Variants in TNFRSF11A observed in about 807,000 individuals in gnomAD.
TNFRSF11A encodes tumor necrosis factor receptor superfamily member 11A.
Under a neutral mutation model 55.7 loss-of-function variants are expected in TNFRSF11A, and 32 were observed. The ratio of observed to expected loss-of-function variants is 0.57; its 90% CI spans 0.43 to 0.77. The LOEUF (loss-of-function observed/expected upper bound fraction) is 0.77, where lower values mean the gene tolerates loss of function less well. TNFRSF11A is among the 30% of genes least tolerant of loss of function. The pLI is 0.00. For synonymous variants in TNFRSF11A, 311 were observed against 331.0 expected (o/e 0.94, Z 0.65); for missense variants, 753 against 809.8 (o/e 0.93, Z 0.85).
intron 8 of TNFRSF11A, 83 bp from the exon 9 acceptor site, chr18:62,368,618 C>A: frequency 1.4e-6 from 2 of 1,408,984 alleles, no homozygotes; most frequent in Non-Finnish European, 2.0e-6. Context: ...TCAGTGTAAA[C>A]ACTGTTTTCA....
chr18:62,381,133 A>G (rs1016057065), intron 9 of TNFRSF11A, among the ~76,000 whole-genome samples: 1 of 152,226 alleles, frequency 6.6e-6, no homozygotes, highest in African/African-American at 2.4e-5. Context: ...GGTTCAGTCC[A>G]TGAAACAAAG....
Position 62,387,038 on chromosome 18 carries a change from C to T in TNFRSF11A, c.*2004C>T, listed in dbSNP as rs1389584424. On this transcript the variant is annotated 3_prime_UTR_variant, in exon 10 of 10. Transcript: ENST00000586569. ...GTGACTGTCATCTCACTGAGCACTTCGCTTTTCTTTGCTTTTATTTTTTCC... is the reference window on the plus strand; with the variant it reads ...GTGACTGTCATCTCACTGAGCACTTTGCTTTTCTTTGCTTTTATTTTTTCC... 2.0e-5 allele frequency: 3 copies of T among 152,156 alleles called. No individual in the cohort carries two copies. The highest frequency in any genetic ancestry group is 6.5e-5 in the Admixed American group (1 of 15,284). The allele number at this position is 152,156 out of a possible 1,614,324, so 9.4% of individuals were successfully genotyped here. A position where few individuals can be genotyped will look rare whatever the true frequency, so the allele number is the denominator to read the frequency against.
At chr18:62,328,551 C>G (rs1044606095) in intron 1 of TNFRSF11A, among the ~76,000 whole-genome samples, 4 of 152,148 alleles carry the variant, frequency 2.6e-5, no homozygotes, top group Non-Finnish European at 4.4e-5. Flanking sequence ...ATGGCCCTTA[C>G]TGAGGTGGTA....
chr18:62,386,252 G>C lies in TNFRSF11A; in HGVS notation c.*1218G>C, dbSNP rs1911724593. 1 of 152,062 alleles carries C rather than the reference G, an allele frequency of 6.6e-6. No individual in the cohort carries two copies. The highest frequency in any genetic ancestry group is 2.4e-5 in the African/African-American group (1 of 41,320). The allele number at this position is 152,062 out of a possible 1,614,324, so 9.4% of individuals were successfully genotyped here. On this transcript the variant is annotated 3_prime_UTR_variant, in exon 10 of 10. Transcript: ENST00000586569. The stretch of plus-strand genomic sequence containing the variant: ...GAAAGGGCCCGGGAAGTTCAAGGAA[G>C]AATAAAGTTGAAATTTTAATTTGCA...
chr18:62,334,856 T>A (rs2046206799), intron 1 of TNFRSF11A, among the ~76,000 whole-genome samples: 1 of 152,078 alleles, frequency 6.6e-6, no homozygotes, highest in South Asian at 2.1e-4. Flanking sequence ...TAGCGGGGTT[T>A]AGGGGGAGAA....
At chr18:62,376,751 A>G (rs1011784355) in intron 9 of TNFRSF11A, among the ~76,000 whole-genome samples, 2 of 152,136 alleles carry the variant, frequency 1.3e-5, no homozygotes, top group Non-Finnish European at 2.9e-5. Flanking sequence ...CCTCTCTCTG[A>G]ACTTCTGGCA....
intron 1 of TNFRSF11A, among the ~76,000 whole-genome samples, chr18:62,338,627 G>C (rs1388325490): frequency 6.6e-6 from 1 of 152,180 alleles, no homozygotes; most frequent in Non-Finnish European, 1.5e-5. Flanking sequence ...CAGACTCAGA[G>C]ACAGACAGTA....
At position 62,384,971 on chromosome 18, in the gene TNFRSF11A, GGGGCTGCGGGAGCCGGAGAAGGCCTCGA is replaced by G. The variant is rs1911609121; in HGVS notation, c.1791_1818del (p.Leu598ArgfsTer69). 2 of 1,473,978 alleles carry G rather than the reference GGGGCTGCGGGAGCCGGAGAAGGCCTCGA, an allele frequency of 1.4e-6. No homozygotes were observed. The highest frequency in any genetic ancestry group is 2.9e-5 in the African/African-American group (2 of 67,954). The allele number at this position is 1,473,978 out of a possible 1,614,324, so 91.3% of individuals were successfully genotyped here. On this transcript the variant is annotated frameshift_variant, in exon 10 of 10. Transcript: ENST00000586569. LOFTEE classifies it low-confidence loss of function (END_TRUNC). The stretch of plus-strand genomic sequence containing the variant: ...TCCCGGACCCGTGCGGCGGCCCCGA[GGGGCTGCGGGAGCCGGAGAAGGCCTCGA>G]GGCCGGTGCAGGAGCAAGGCGGGGC...
At chr18:62,338,692 G>A (rs921730961) in intron 1 of TNFRSF11A, among the ~76,000 whole-genome samples, 2 of 152,128 alleles carry the variant, frequency 1.3e-5, no homozygotes, top group Admixed American at 6.6e-5. Context: ...ACTAGTTAAC[G>A]GTTACAGAGA....
rs761709562 is a variant in TNFRSF11A, at chr18:62,354,387, G to A, written c.284-4G>A. ...GCCACTGACCTGTCTCTTGTCTCCC[G>A]CAGGCAAGGCCCTGGTGGCCGTGGT... On this transcript the variant is annotated splice_region_variant and splice_polypyrimidine_tract_variant and intron_variant, in intron 3 of 9. Transcript: ENST00000586569. The A allele has an allele frequency of 4.4e-5, 69 of 1,572,568 alleles. No individual in the cohort carries two copies. Among genetic ancestry groups the A allele is most frequent in the Non-Finnish European group, 5.8e-5 (68 of 1,164,390 alleles).
intron 2 of TNFRSF11A, among the ~76,000 whole-genome samples, 184 bp downstream of exon 2, chr18:62,348,433 A>C (rs1189489586): frequency 6.6e-6 from 1 of 152,256 alleles, no homozygotes; most frequent in East Asian, 1.9e-4. Context: ...GGGATTTTAA[A>C]ATCCCTTAGA....
intron 9 of TNFRSF11A, chr18:62,372,975 G>A (rs2145367431): frequency 6.6e-6 from 1 of 152,368 alleles, no homozygotes; most frequent in Admixed American, 6.5e-5. Flanking sequence ...TGAAAAACAA[G>A]TAGGGATTAA....
At chr18:62,327,316 G>T (rs2046090421) in intron 1 of TNFRSF11A, among the ~76,000 whole-genome samples, 2 of 152,222 alleles carry the variant, frequency 1.3e-5, no homozygotes, top group Admixed American at 1.3e-4. Flanking sequence ...AGAAACCTCT[G>T]CCCGTGGCCA....
chr18:62,358,142 C>CCT, intron 4 of TNFRSF11A, 106 bp from the exon 5 acceptor site: 1 of 1,036,658 alleles, frequency 9.6e-7, no homozygotes. Context: ...AGAGGGGCAG[C>CCT]GCCTCACCTC....
chr18:62,337,780 G>A (rs1239872699), intron 1 of TNFRSF11A, among the ~76,000 whole-genome samples: 1 of 152,108 alleles, frequency 6.6e-6, no homozygotes, highest in East Asian at 1.9e-4. Flanking sequence ...CCCCTGGACT[G>A]TAAGCCAGGA....
At chr18:62,372,548 A>C (rs1295231175) in intron 9 of TNFRSF11A, among the ~76,000 whole-genome samples, 1 of 151,914 alleles carries the variant, frequency 6.6e-6, no homozygotes, top group Non-Finnish European at 1.5e-5. Flanking sequence ...GATTCAGGGT[A>C]CATGTGCAGG....
intron 1 of TNFRSF11A, among the ~76,000 whole-genome samples, chr18:62,332,449 T>C (rs759341657): frequency 2.0e-4 from 31 of 152,122 alleles, no homozygotes; most frequent in Non-Finnish European, 4.1e-4. Flanking sequence ...TGAGAATCAA[T>C]TCCATTTTTA....
chr18:62,348,283 C>T, intron 2 of TNFRSF11A, 34 bp downstream of exon 2: 8 of 1,580,988 alleles, frequency 5.1e-6, no homozygotes, highest in Non-Finnish European at 7.0e-6. Context: ...TGCATTGCCC[C>T]TCAAAAGTGG....
Position 62,387,143 on chromosome 18 carries a change from A to T in TNFRSF11A, c.*2109A>T, listed in dbSNP as rs539237688. 3.9e-5 allele frequency: 6 copies of T among 152,322 alleles called. No individual in the cohort carries two copies. The South Asian group carries it at 1.2e-3, about 32-fold the overall frequency. 9.4% of individuals were successfully genotyped at this position (152,322 alleles called of 1,614,324 possible). On this transcript the variant is annotated 3_prime_UTR_variant, in exon 10 of 10. Transcript: ENST00000586569. ...TAGAAGTATGCTACAGTGAATGTTA[A>T]AGTACCTTGAGATCCTTAAATCAAA...
Sources: allele counts gnomAD v4.1 joint callset (sites outside exome capture counted in the v4.1 genomes callset), GRCh38; gene constraint gnomAD v4.1.1; transcripts MANE v1.5; gene names NCBI Gene and HGNC (gene_info 2026-07-23, HGNC 2026-07-21).